The following KCNN2 variants were observed in gnomAD, a reference collection of about 807,000 sequenced individuals.
The protein encoded by KCNN2 is potassium calcium-activated channel subfamily N member 2.
Under a neutral mutation model 55.5 loss-of-function variants are expected in KCNN2, and 24 were observed. That is an observed-to-expected ratio of 0.43 (90% CI 0.31 to 0.61). The LOEUF is 0.61. Ranked by LOEUF, KCNN2 falls within the 20% of genes least tolerant of loss-of-function variation. The probability of loss-of-function intolerance (pLI) is 0.08; values close to 1 mark genes in which losing one functional copy is unlikely to be tolerated. For missense variants in KCNN2, 754 were observed against 853.6 expected, an observed-to-expected ratio of 0.88 and a Z score of 1.45; for synonymous variants, 431 against 336.1, an observed-to-expected ratio of 1.28 and a Z score of -3.09.
chr5:114,234,633 C>T (rs113458847), intron 2 of KCNN2, among the ~76,000 whole-genome samples: 1 of 152,086 alleles, frequency 6.6e-6, no homozygotes, highest in African/African-American at 2.4e-5. Context: ...GCTTCCTTCA[C>T]GGTTGTTGAG....
intron 2 of KCNN2, among the ~76,000 whole-genome samples, chr5:114,247,678 G>A (rs1481287278): frequency 6.6e-6 from 1 of 152,196 alleles, no homozygotes; most frequent in African/African-American, 2.4e-5. Context: ...GTTCCATGAT[G>A]GGATTTGTCA....
intron 4 of KCNN2, among the ~76,000 whole-genome samples, chr5:114,470,145 AAC>A (rs761344817): frequency 3.9e-5 from 6 of 152,194 alleles, no homozygotes; most frequent in Non-Finnish European, 5.9e-5. Flanking sequence ...CCTGAGAATA[AAC>A]ACAAATAAAA....
intron 2 of KCNN2, among the ~76,000 whole-genome samples, chr5:114,396,273 G>A (rs922934835): frequency 6.6e-6 from 1 of 152,056 alleles, no homozygotes; most frequent in Admixed American, 6.6e-5. Flanking sequence ...TGGTGAATCA[G>A]GAGAAAGGGC....
chr5:114,370,799 G>A (rs1296519140), intron 2 of KCNN2, among the ~76,000 whole-genome samples: 4 of 152,138 alleles, frequency 2.6e-5, no homozygotes, highest in African/African-American at 7.2e-5. Flanking sequence ...TGAGACCATT[G>A]TAAGGATTTA....
chr5:114,294,306 T>C (rs1489778758), intron 2 of KCNN2, among the ~76,000 whole-genome samples: 1 of 152,174 alleles, frequency 6.6e-6, no homozygotes, highest in African/African-American at 2.4e-5. Flanking sequence ...TTTGGATCTT[T>C]CCTGCTTTCT....
chr5:114,185,331 T>A (rs986008160), intron 1 of KCNN2, among the ~76,000 whole-genome samples: 1 of 152,224 alleles, frequency 6.6e-6, no homozygotes, highest in Non-Finnish European at 1.5e-5. Context: ...TACATGTCAG[T>A]GTCATTATAG....
intron 3 of KCNN2, among the ~76,000 whole-genome samples, chr5:114,420,842 G>A (rs1283425050): frequency 6.6e-6 from 1 of 152,134 alleles, no homozygotes; most frequent in Admixed American, 6.5e-5. Flanking sequence ...CTTCAGACAG[G>A]CTGTAGGTCT....
At chr5:114,254,963 G>A (rs891593377) in intron 2 of KCNN2, among the ~76,000 whole-genome samples, 1 of 152,076 alleles carries the variant, frequency 6.6e-6, no homozygotes, top group African/African-American at 2.4e-5. Flanking sequence ...TATAAAGTTG[G>A]ATTTCTGCTA....
intron 2 of KCNN2, among the ~76,000 whole-genome samples, chr5:114,371,701 A>G (rs1345634277): frequency 1.3e-5 from 2 of 152,184 alleles, no homozygotes. Flanking sequence ...ATCCATTTAA[A>G]TGCCCTCCTA....
chr5:114,233,538 T>C (rs1447014728), intron 2 of KCNN2, among the ~76,000 whole-genome samples: 6 of 152,196 alleles, frequency 3.9e-5, no homozygotes, highest in Non-Finnish European at 7.3e-5. Context: ...TTTTATAATA[T>C]GGTGAAAAAA....
At chr5:114,391,420 A>G (rs1298938632) in intron 2 of KCNN2, among the ~76,000 whole-genome samples, 1 of 152,062 alleles carries the variant, frequency 6.6e-6, no homozygotes, top group Non-Finnish European at 1.5e-5. Context: ...GTTTACATAG[A>G]TTAAATATAT....
At chr5:114,307,116 T>A (rs1756295758) in intron 2 of KCNN2, among the ~76,000 whole-genome samples, 1 of 152,202 alleles carries the variant, frequency 6.6e-6, no homozygotes, top group South Asian at 2.1e-4. Flanking sequence ...AGTGCAGTTA[T>A]CTGTAAGTGG....
intron 3 of KCNN2, among the ~76,000 whole-genome samples, chr5:114,455,990 G>A (rs759121748): frequency 4.6e-5 from 7 of 152,348 alleles, no homozygotes; most frequent in Admixed American, 1.3e-4. Flanking sequence ...AGGTGAAGCA[G>A]GAAGTGCTGA....
intron 1 of KCNN2, among the ~76,000 whole-genome samples, chr5:114,128,504 A>G (rs901659490): frequency 2.6e-5 from 4 of 152,208 alleles, no homozygotes; most frequent in African/African-American, 4.8e-5. Context: ...GGGAACTACA[A>G]TTCAAGATGA....
intron 1 of KCNN2, among the ~76,000 whole-genome samples, chr5:114,180,780 C>A (rs1436396021): frequency 6.6e-6 from 1 of 152,154 alleles, no homozygotes; most frequent in Non-Finnish European, 1.5e-5. Context: ...CCTCAGCCCC[C>A]TTCCTAGTCA....
intron 2 of KCNN2, among the ~76,000 whole-genome samples, chr5:114,223,380 T>C (rs1184283257): frequency 6.6e-6 from 1 of 152,214 alleles, no homozygotes; most frequent in Non-Finnish European, 1.5e-5. Context: ...TTGAACTGCT[T>C]TGAGATTATG....
At chr5:114,476,996 T>C (rs550923586) in intron 5 of KCNN2, among the ~76,000 whole-genome samples, 1 of 65,544 alleles carries the variant, frequency 1.5e-5, no homozygotes, top group South Asian at 6.3e-4. Context: ...CTTTAAACTT[T>C]TAAAATAATT....
intron 2 of KCNN2, among the ~76,000 whole-genome samples, chr5:114,350,646 A>G (rs554398538): frequency 6.6e-6 from 1 of 152,062 alleles, no homozygotes; most frequent in South Asian, 2.1e-4. Flanking sequence ...GTGTAAAGAA[A>G]GGGTCCAGGT....
chr5:114,493,034 G>A (rs1453357751), intron 6 of KCNN2, among the ~76,000 whole-genome samples: 3 of 152,106 alleles, frequency 2.0e-5, no homozygotes, highest in Non-Finnish European at 4.4e-5. Context: ...CAACATCAAT[G>A]AAATTCCAGT....
Sources: gnomAD v4.1 joint callset for allele counts (sites outside exome capture counted in the v4.1 genomes callset) on GRCh38, gnomAD v4.1.1 for gene constraint, MANE v1.5 for transcripts, NCBI Gene and HGNC (gene_info 2026-07-23, HGNC 2026-07-21) for gene names.